KALRN: variants seen among roughly 807,000 people sequenced by gnomAD.
KALRN encodes the protein kalirin.
A neutral mutation model predicts 353.7 loss-of-function variants in KALRN; 70 were observed. The observed-to-expected ratio is 0.20, with a 90% CI of 0.16 to 0.24. KALRN has a LOEUF of 0.24. KALRN is among the 10% of genes least tolerant of loss of function. KALRN has a pLI of 1.00. For missense variants in KALRN, 2,791 were observed against 3,756.7 expected, an observed-to-expected ratio of 0.74 and a Z score of 6.72; for synonymous variants, 1,391 against 1,434.8, an observed-to-expected ratio of 0.97 and a Z score of 0.69.
chr3:124,260,761 C>G (rs1436358216), intron 3 of KALRN, among the ~76,000 whole-genome samples: 5 of 152,258 alleles, frequency 3.3e-5, no homozygotes, highest in Middle Eastern at 3.4e-3. Context: ...CCAAGGCACT[C>G]AGAGCTGCAC....
intron 5 of KALRN, among the ~76,000 whole-genome samples, chr3:124,290,226 G>A (rs1580564049): frequency 6.6e-6 from 1 of 152,174 alleles, no homozygotes; most frequent in African/African-American, 2.4e-5. Context: ...CACTCATCAT[G>A]TCTGAAGCCA....
chr3:124,446,893 ACATCC>A lies in KALRN; in HGVS notation c.3552+11_3552+15del. The A allele has an allele frequency of 3.7e-6, 6 of 1,614,012 alleles. No individual in the cohort carries two copies. Among genetic ancestry groups the A allele is most frequent in the Non-Finnish European group, 4.2e-6 (5 of 1,179,954 alleles). On this transcript the variant is annotated intron_variant, in intron 21 of 59. Transcript: ENST00000682506. ...TTCAGGGTGCCTGCCAAGGTAGGAA[ACATCC>A]CAGAGCCTCCCCCAGATCCACCCAG...
At chr3:124,034,482 C>G (rs566776595) in intron 1 of KALRN, among the ~76,000 whole-genome samples, 49 of 152,250 alleles carry the variant, frequency 3.2e-4, no homozygotes, top group African/African-American at 1.1e-3. Context: ...TTACTCATTC[C>G]TGGAAGTGTG....
intron 23 of KALRN, among the ~76,000 whole-genome samples, chr3:124,459,222 T>C (rs1260452000): frequency 6.6e-6 from 1 of 152,126 alleles, no homozygotes. Flanking sequence ...GAGTGAATTG[T>C]AGATGTTAGA....
At chr3:124,407,780 A>G (rs1001625011) in intron 13 of KALRN, 1 of 150,838 alleles carries the variant, frequency 6.6e-6, no homozygotes, top group Admixed American at 6.6e-5. Flanking sequence ...CATTCCATAA[A>G]TTTTTTTTTT....
chr3:124,366,856 G>C (rs1389595485), intron 10 of KALRN, among the ~76,000 whole-genome samples: 1 of 142,236 alleles, frequency 7.0e-6, no homozygotes, highest in African/African-American at 2.8e-5. Context: ...CCTCCCTCCC[G>C]GACGGGGCGG....
intron 35 of KALRN, 66 bp from the exon 36 acceptor site, chr3:124,633,786 T>A (rs2081056868): frequency 7.3e-7 from 1 of 1,376,196 alleles, no homozygotes; most frequent in South Asian, 1.2e-5. Flanking sequence ...TTTTTGTTAA[T>A]GTCAAGTCCA....
chr3:124,454,025 T>C (rs1380389052), intron 21 of KALRN, among the ~76,000 whole-genome samples: 1 of 152,196 alleles, frequency 6.6e-6, no homozygotes, highest in East Asian at 1.9e-4. Flanking sequence ...ACCAAGTAGG[T>C]ATTGAACAAA....
intron 6 of KALRN, among the ~76,000 whole-genome samples, chr3:124,304,788 C>G (rs548994121): frequency 6.6e-6 from 1 of 152,306 alleles, no homozygotes; most frequent in Admixed American, 6.5e-5. Context: ...ACCAAGAACA[C>G]AGGGTTCCTT....
At position 124,413,648 on chromosome 3, in the gene KALRN, C is replaced by T. The variant is rs769850350; in HGVS notation, c.2525C>T (p.Thr842Met). The T allele has an allele frequency of 5.0e-6, 8 of 1,613,654 alleles. No homozygotes were observed. The East Asian group carries it at 6.7e-5, about 13-fold the overall frequency. Reference protein sequence around the residue: ...QQGQDLHQYITEVQASGIELI... With the variant: ...QQGQDLHQYIMEVQASGIELI... ...GGACAGGATCTGCACCAGTACATCA[C>T]GGAGGTCCAGGCATCAGGTGGGTGA... Residue 842 changes from threonine to methionine, a missense_variant, in exon 14 of 60, where the codon ACG (threonine) becomes ATG (methionine). Thr to Met is a moderately conservative substitution (Grantham distance 81). Coordinates refer to ENST00000682506, the MANE Select transcript of KALRN (RefSeq NM_001388419.1).
At chr3:124,629,172 T>C (rs1182359885) in intron 34 of KALRN, among the ~76,000 whole-genome samples, 2 of 152,202 alleles carry the variant, frequency 1.3e-5, no homozygotes, top group Non-Finnish European at 2.9e-5. Context: ...ATCATGGTGA[T>C]GATGAGAAGC....
chr3:124,168,136 G>A (rs1271199936), intron 1 of KALRN, among the ~76,000 whole-genome samples: 1 of 152,178 alleles, frequency 6.6e-6, no homozygotes, highest in Non-Finnish European at 1.5e-5. Flanking sequence ...CAACTGCAGG[G>A]AGTTCCTGTC....
chr3:124,676,427 A>G (rs1350306624), intron 49 of KALRN, among the ~76,000 whole-genome samples: 1 of 152,176 alleles, frequency 6.6e-6, no homozygotes, highest in East Asian at 1.9e-4. Flanking sequence ...CCTACAGGAT[A>G]AACGTCACTG....
intron 1 of KALRN, among the ~76,000 whole-genome samples, chr3:124,137,567 C>T (rs1355042371): frequency 6.6e-6 from 1 of 152,148 alleles, no homozygotes; most frequent in African/African-American, 2.4e-5. Context: ...CTCTCTCTCT[C>T]CAAGTGTGAG....
At chr3:124,492,060 C>T (rs2063220089) in intron 31 of KALRN, among the ~76,000 whole-genome samples, 1 of 152,072 alleles carries the variant, frequency 6.6e-6, no homozygotes, top group Non-Finnish European at 1.5e-5. Context: ...GATGAAGTTC[C>T]CAGCAGTCAT....
At chr3:124,651,913 C>G (rs535957579) in intron 38 of KALRN, among the ~76,000 whole-genome samples, 2 of 152,252 alleles carry the variant, frequency 1.3e-5, no homozygotes, top group East Asian at 3.9e-4. Flanking sequence ...GTTGGGATTA[C>G]AGGCAGGATC....
intron 13 of KALRN, among the ~76,000 whole-genome samples, chr3:124,404,765 G>A (rs1405233065): frequency 6.6e-6 from 1 of 151,750 alleles, no homozygotes; most frequent in African/African-American, 2.4e-5. Flanking sequence ...GTAAGACAGG[G>A]CTGTCTGGTG....
chr3:124,269,025 C>G lies in KALRN; in HGVS notation c.739C>G (p.Leu247Val), dbSNP rs1253377965. Residue 247 changes from leucine (L) to valine (V), a missense_variant, in exon 5 of 60, where the codon CTG becomes GTG. By Grantham distance (32) the Leu-to-Val change is conservative. Transcript: ENST00000682506. ...KKVLKAPVEE[L>V]DREGQRLLQC... The stretch of plus-strand genomic sequence containing the variant: ...GGTGCTGAAGGCCCCTGTGGAGGAG[C>G]TGGACCGGGAGGGGCAGCGGCTGCT... 1.9e-6 allele frequency: 3 copies of G among 1,613,578 alleles called. No individual in the cohort carries two copies. Among genetic ancestry groups the G allele is most frequent in the Admixed American group, 3.3e-5 (2 of 59,984 alleles).
At chr3:124,325,715 G>T (rs1268688135) in intron 6 of KALRN, among the ~76,000 whole-genome samples, 4 of 152,190 alleles carry the variant, frequency 2.6e-5, no homozygotes, top group Non-Finnish European at 5.9e-5. Flanking sequence ...AGTAGTCCAT[G>T]TAAAGTGACT....
Sources: gnomAD v4.1 joint callset for allele counts (sites outside exome capture counted in the v4.1 genomes callset) on GRCh38, gnomAD v4.1.1 for gene constraint, MANE v1.5 for transcripts, NCBI Gene and HGNC (gene_info 2026-07-23, HGNC 2026-07-21) for gene names.